The following PIBF1 variants were observed in gnomAD, a reference collection of about 807,000 sequenced individuals.
The protein encoded by PIBF1 is progesterone immunomodulatory binding factor 1, also known as progesterone-induced-blocking factor 1.
PIBF1 carries 90 observed loss-of-function variants against 112.5 expected under a neutral mutation model. That is an observed-to-expected ratio of 0.80 (90% CI 0.67 to 0.95). The LOEUF (loss-of-function observed/expected upper bound fraction) is 0.95, where lower values mean the gene tolerates loss of function less well. PIBF1 is among the 40% of genes least tolerant of loss of function. The pLI is 0.00. For missense variants in PIBF1, 915 were observed against 852.3 expected (o/e 1.07, Z -0.92); for synonymous variants, 301 against 288.6 (o/e 1.04, Z -0.44).
At chr13:72,906,283 GTTTAAGGCAAAAT>G (rs1377781469) in intron 11 of PIBF1, among the ~76,000 whole-genome samples, 1 of 151,920 alleles carries the variant, frequency 6.6e-6, no homozygotes, top group Non-Finnish European at 1.5e-5. Context: ...ATTTGTCTCT[GTTTAAGGCAAAAT>G]TATAATTTTG....
At chr13:72,970,502 T>C (rs572382999) in intron 15 of PIBF1, 1 of 152,282 alleles carries the variant, frequency 6.6e-6, no homozygotes, top group South Asian at 2.1e-4. Context: ...CCAGAGTGTA[T>C]TGATCCAGGA....
chr13:72,834,502 A>G (rs1594010448), intron 8 of PIBF1, among the ~76,000 whole-genome samples: 1 of 152,140 alleles, frequency 6.6e-6, no homozygotes, highest in Non-Finnish European at 1.5e-5. Context: ...TGTCAAGCAC[A>G]TGTAGTCCTG....
chr13:72,998,690 CTATTT>C (rs1473221409), intron 16 of PIBF1, 127 bp from the exon 17 acceptor site: 3 of 605,144 alleles, frequency 5.0e-6, no homozygotes, highest in Admixed American at 3.3e-5. Context: ...ATTCTAATTA[CTATTT>C]TATTTTCACA....
At chr13:72,998,374 C>G (rs2043748732) in intron 16 of PIBF1, among the ~76,000 whole-genome samples, 1 of 152,008 alleles carries the variant, frequency 6.6e-6, no homozygotes, top group Non-Finnish European at 1.5e-5. Flanking sequence ...TACTCAGGCA[C>G]TGAGGCAGGA....
chr13:72,904,433 C>CTTTTTTTTTTTTTTTTTTTTTG (rs2040612687), intron 11 of PIBF1, among the ~76,000 whole-genome samples: 1 of 36,558 alleles, frequency 2.7e-5, no homozygotes, highest in Non-Finnish European at 4.6e-5. Flanking sequence ...CAAAATATTT[C>CTTTTTTTTTTTTTTTTTTTTTG]TTTTTTTTTT....
chr13:72,862,861 C>T (rs1380550462), intron 10 of PIBF1, among the ~76,000 whole-genome samples: 1 of 152,052 alleles, frequency 6.6e-6, no homozygotes, highest in African/African-American at 2.4e-5. Context: ...TGGAAGTGAA[C>T]GTTTAGTGTA....
intron 5 of PIBF1, among the ~76,000 whole-genome samples, chr13:72,806,043 G>A (rs756184759): frequency 5.9e-5 from 9 of 152,126 alleles, no homozygotes; most frequent in Non-Finnish European, 8.8e-5. Flanking sequence ...TTTAAAAATT[G>A]GCAGGCTTTT....
At chr13:72,990,545 A>C (rs2043445045) in intron 16 of PIBF1, among the ~76,000 whole-genome samples, 1 of 148,320 alleles carries the variant, frequency 6.7e-6, no homozygotes, top group African/African-American at 2.5e-5. Flanking sequence ...AAAAAAAAAA[A>C]ACCTTTTAAA....
chr13:72,914,722 C>G (rs1314109964), intron 12 of PIBF1, among the ~76,000 whole-genome samples: 3 of 152,068 alleles, frequency 2.0e-5, no homozygotes, highest in African/African-American at 7.2e-5. Context: ...GTAGCTGAGA[C>G]TACAGACACA....
chr13:72,879,784 T>A (rs571488632), intron 10 of PIBF1, among the ~76,000 whole-genome samples: 4 of 152,338 alleles, frequency 2.6e-5, no homozygotes, highest in Admixed American at 6.5e-5. Context: ...TGGTTTTTTT[T>A]AATTATGAGG....
At chr13:72,991,088 C>T (rs1044034174) in intron 16 of PIBF1, among the ~76,000 whole-genome samples, 5 of 152,186 alleles carry the variant, frequency 3.3e-5, no homozygotes, top group Admixed American at 6.5e-5. Context: ...TCCTTGCCAA[C>T]ATCTTTGCAG....
intron 10 of PIBF1, among the ~76,000 whole-genome samples, chr13:72,859,099 T>G (rs1254487757): frequency 6.6e-6 from 1 of 152,156 alleles, no homozygotes; most frequent in Non-Finnish European, 1.5e-5. Context: ...TAGGATTGCT[T>G]TGAGCCTTAG....
intron 6 of PIBF1, among the ~76,000 whole-genome samples, chr13:72,825,900 C>CA (rs373047064): frequency 0.082 from 6,352 of 77,588 alleles, 168 homozygotes; most frequent in Middle Eastern, 0.12. Context: ...ACCGTCTTTA[C>CA]AAAAAAAAAA....
intron 10 of PIBF1, among the ~76,000 whole-genome samples, chr13:72,885,424 G>A (rs979550214): frequency 6.6e-6 from 1 of 151,986 alleles, no homozygotes; most frequent in African/African-American, 2.4e-5. Context: ...AACCTATTTA[G>A]CATTCTAATT....
chr13:72,902,959 A>G (rs1414004307), intron 11 of PIBF1, among the ~76,000 whole-genome samples: 2 of 151,668 alleles, frequency 1.3e-5, no homozygotes, highest in African/African-American at 2.4e-5. Flanking sequence ...GCAGTGTCAC[A>G]ATCTCGGCTC....
At chr13:72,887,711 A>G (rs182667471) in intron 10 of PIBF1, among the ~76,000 whole-genome samples, 23 of 152,116 alleles carry the variant, frequency 1.5e-4, no homozygotes, top group Admixed American at 4.6e-4. Context: ...GTAAAAATGT[A>G]ATTTTCTCCT....
At chr13:72,868,946 C>A (rs1385313159) in intron 10 of PIBF1, among the ~76,000 whole-genome samples, 1 of 151,264 alleles carries the variant, frequency 6.6e-6, no homozygotes, top group African/African-American at 2.4e-5. Context: ...GAATGGCAAT[C>A]ATTAAAAAGT....
intron 13 of PIBF1, among the ~76,000 whole-genome samples, chr13:72,922,075 G>T (rs964411610): frequency 7.9e-5 from 12 of 152,086 alleles, no homozygotes; most frequent in African/African-American, 2.9e-4. Flanking sequence ...AAACTCCTGG[G>T]CTGAAGTGAT....
chr13:72,788,125 G>A (rs1229117488), intron 2 of PIBF1, among the ~76,000 whole-genome samples: 1 of 152,212 alleles, frequency 6.6e-6, no homozygotes, highest in African/African-American at 2.4e-5. Flanking sequence ...GAAGTCACAG[G>A]AAAGGTAGAT....
Sources: allele counts gnomAD v4.1 joint callset (sites outside exome capture counted in the v4.1 genomes callset), GRCh38; gene constraint gnomAD v4.1.1; transcripts MANE v1.5; gene names NCBI Gene and HGNC (gene_info 2026-07-23, HGNC 2026-07-21).